The following SPATA6 variants were observed in gnomAD, a reference collection of about 807,000 sequenced individuals.
SPATA6 encodes spermatogenesis-associated protein 6.
SPATA6 carries 56 observed loss-of-function variants against 65.3 expected under a neutral mutation model. That is an observed-to-expected ratio of 0.86 (90% CI 0.69 to 1.07). The LOEUF (loss-of-function observed/expected upper bound fraction) is 1.07, where lower values mean the gene tolerates loss of function less well. SPATA6 is among the 50% of genes least tolerant of loss of function. SPATA6 has a pLI of 0.00. For synonymous variants in SPATA6, 199 were observed against 213.2 expected, an observed-to-expected ratio of 0.93 and a Z score of 0.58; for missense variants, 590 against 594.8, an observed-to-expected ratio of 0.99 and a Z score of 0.08.
chr1:48,355,612 TTGG>T, intron 11 of SPATA6, 55 bp downstream of exon 11: 1 of 1,222,828 alleles, frequency 8.2e-7, no homozygotes, highest in Non-Finnish European at 1.2e-6. Context: ...TTAGGCATCT[TTGG>T]TGGTTTTCTT....
the SPATA6 span, among the ~76,000 whole-genome samples, chr1:48,282,607 G>T: frequency 1.3e-5 from 2 of 152,192 alleles, no homozygotes; most frequent in African/African-American, 2.4e-5. Context: ...CTGGCCATCA[G>T]AGAAATGCAA....
intron 9 of SPATA6, among the ~76,000 whole-genome samples, chr1:48,369,576 G>A (rs563225976): frequency 3.3e-5 from 5 of 152,314 alleles, no homozygotes; most frequent in South Asian, 2.1e-4. Context: ...AGGACCCTCC[G>A]AGCCATGTGT....
intron 11 of SPATA6, among the ~76,000 whole-genome samples, chr1:48,322,952 A>G (rs1480158260): frequency 1.3e-5 from 2 of 152,222 alleles, no homozygotes; most frequent in East Asian, 1.9e-4. Context: ...GAGAAATAGG[A>G]ACCCTTTTAC....
Position 48,436,509 on chromosome 1 carries a change from T to G in SPATA6, c.238+15043A>C. The G allele has an allele frequency of 3.1e-6, 5 of 1,611,850 alleles. No homozygotes were observed. In the Admixed American group the frequency reaches 8.3e-5, roughly 27 times the overall value. On this transcript the variant is annotated intron_variant, in intron 3 of 12. Transcript: ENST00000371847. ...ACTATCTGTACCAAAATGGCTGTAT[T>G]CACAGGAGTATTAAAGCCAGCCATA...
At chr1:48,392,814 T>C (rs1163279526) in intron 8 of SPATA6, among the ~76,000 whole-genome samples, 2 of 152,054 alleles carry the variant, frequency 1.3e-5, no homozygotes, top group Admixed American at 1.3e-4. Flanking sequence ...AAATTCACTA[T>C]GTGTAAGAGA....
Position 48,411,504 on chromosome 1 carries a change from G to C in SPATA6, c.365C>G (p.Ser122Ter). 6.2e-7 allele frequency: 1 copy of C among 1,610,718 alleles called. No homozygotes were observed. Among genetic ancestry groups the C allele is most frequent in the Non-Finnish European group, 8.5e-7 (1 of 1,178,520 alleles). ...CCTCCTCATGGTAACCTGGCGGTTT[G>C]AATCATGGTGTCCAGACATTTGGTT... Reference protein sequence around the residue: ...GPNQMSGHHDSNRQVTMRRIS... With the variant: ...GPNQMSGHHD Residue 122 changes from serine to a stop codon, truncating the protein, a stop_gained, in exon 5 of 13, where the codon TCA becomes TGA. Coordinates refer to ENST00000371847, the MANE Select transcript of SPATA6 (RefSeq NM_019073.4). LOFTEE classifies it high-confidence loss of function.
chr1:48,389,741 G>A (rs933409726), intron 8 of SPATA6, among the ~76,000 whole-genome samples: 5 of 152,108 alleles, frequency 3.3e-5, no homozygotes, highest in Non-Finnish European at 7.4e-5. Context: ...TAAAAGCTAA[G>A]GGAATTCATC....
At position 48,448,404 on chromosome 1, in the gene SPATA6, A is replaced by C. The variant is rs185301456; in HGVS notation, c.238+3148T>G. Among the ~76,000 whole-genome samples, 1,002 of 152,274 alleles carry C rather than the reference A, an allele frequency of 6.6e-3. 5 individuals carry two copies. The highest frequency in any genetic ancestry group is 0.01 in the Middle Eastern group (3 of 294). On this transcript the variant is annotated intron_variant, in intron 3 of 12. Coordinates refer to ENST00000371847, the MANE Select transcript of SPATA6 (RefSeq NM_019073.4). ...TTTTGAATGCTGACATTATGCCACA[A>C]GTGGAAAATTCCACACTTAACGTCA...
chr1:48,325,863 A>G, intron 11 of SPATA6: 1 of 364,926 alleles, frequency 2.7e-6, no homozygotes. Context: ...TACTGTTGAG[A>G]TCTATCAGGA....
At chr1:48,416,580 G>A (rs147363982) in intron 3 of SPATA6, among the ~76,000 whole-genome samples, 132 of 152,224 alleles carry the variant, frequency 8.7e-4, no homozygotes, top group Non-Finnish European at 1.2e-3. Context: ...TAAGCCAGAT[G>A]ACTGCACTGG....
chr1:48,386,333 A>T (rs1417973173), intron 8 of SPATA6, among the ~76,000 whole-genome samples: 1 of 152,224 alleles, frequency 6.6e-6, no homozygotes, highest in Non-Finnish European at 1.5e-5. Flanking sequence ...AGCTTTCAAG[A>T]ATCAACTTTT....
chr1:48,369,290 G>T (rs1464750760), intron 9 of SPATA6, among the ~76,000 whole-genome samples: 3 of 152,186 alleles, frequency 2.0e-5, no homozygotes, highest in South Asian at 2.1e-4. Context: ...CCAGCTGCGT[G>T]CTGGGAGAAC....
intron 5 of SPATA6, among the ~76,000 whole-genome samples, chr1:48,406,216 G>T (rs1651691339): frequency 6.6e-6 from 1 of 152,012 alleles, no homozygotes; most frequent in Non-Finnish European, 1.5e-5. Flanking sequence ...GACAAAGAAA[G>T]ACCCTGTCTC....
chr1:48,308,846 T>C (rs79501565), intron 11 of SPATA6, among the ~76,000 whole-genome samples: 2,266 of 152,252 alleles, frequency 0.015, 55 homozygotes, highest in African/African-American at 0.052. Context: ...TCCTTCTCCC[T>C]TGCTGCTTTT....
chr1:48,278,210 G>A, the SPATA6 span, among the ~76,000 whole-genome samples: 1 of 133,082 alleles, frequency 7.5e-6, no homozygotes, highest in African/African-American at 2.6e-5. Context: ...ACCAAAAGTA[G>A]ATAAAACCAC....
At chr1:48,307,377 T>C (rs1247326063) in intron 11 of SPATA6, among the ~76,000 whole-genome samples, 1 of 148,074 alleles carries the variant, frequency 6.8e-6, no homozygotes, top group Non-Finnish European at 1.5e-5. Context: ...TTTATGTTTA[T>C]ATATAATCAT....
intron 3 of SPATA6, among the ~76,000 whole-genome samples, chr1:48,449,354 C>T (rs529569958): frequency 1.3e-5 from 2 of 152,290 alleles, no homozygotes; most frequent in Admixed American, 6.5e-5. Flanking sequence ...AAACGTAAAA[C>T]AATCAGATAT....
chr1:48,380,682 T>C (rs1648457850), intron 9 of SPATA6, among the ~76,000 whole-genome samples: 1 of 152,224 alleles, frequency 6.6e-6, no homozygotes, highest in African/African-American at 2.4e-5. Context: ...CTACCAATTA[T>C]TATCAATAAG....
At chr1:48,467,384 T>C (rs1657892493) in intron 1 of SPATA6, among the ~76,000 whole-genome samples, 1 of 152,060 alleles carries the variant, frequency 6.6e-6, no homozygotes, top group South Asian at 2.1e-4. Context: ...CAGTTTATAG[T>C]AATTGGGAAA....
Sources: gnomAD v4.1 joint callset for allele counts (sites outside exome capture counted in the v4.1 genomes callset) on GRCh38, gnomAD v4.1.1 for gene constraint, MANE v1.5 for transcripts, NCBI Gene and HGNC (gene_info 2026-07-23, HGNC 2026-07-21) for gene names.